RCL1: variants seen among roughly 807,000 people sequenced by gnomAD.
The protein encoded by RCL1 is RNA terminal phosphate cyclase like 1.
A neutral mutation model predicts 42.4 loss-of-function variants in RCL1; 24 were observed. The ratio of observed to expected loss-of-function variants is 0.57; its 90% CI spans 0.41 to 0.80. The LOEUF (loss-of-function observed/expected upper bound fraction) is 0.80. RCL1 is among the 30% of genes least tolerant of loss of function. The pLI is 0.00. For missense variants in RCL1, 578 were observed against 467.9 expected (o/e 1.24, Z -2.17); for synonymous variants, 228 against 177.3 (o/e 1.29, Z -2.27).
intron 1 of RCL1, 35 bp downstream of exon 1, chr9:4,793,262 G>C: frequency 6.4e-7 from 1 of 1,552,334 alleles, no homozygotes; most frequent in Non-Finnish European, 8.7e-7. Context: ...GCGTGGGCGC[G>C]GGGGCTGAGG....
At chr9:4,833,400 C>A (rs560239750) in intron 4 of RCL1, among the ~76,000 whole-genome samples, 172 bp downstream of exon 4, 1 of 152,134 alleles carries the variant, frequency 6.6e-6, no homozygotes, top group Non-Finnish European at 1.5e-5. Flanking sequence ...TGAAAGGGAC[C>A]CTTTAGTAAT....
At position 4,844,455 on chromosome 9, in the gene RCL1, T is replaced by A. The variant is rs568923839; in HGVS notation, c.711-70T>A. On this transcript the variant is annotated intron_variant, in intron 6 of 8. Transcript: ENST00000381750. ...GTCAAAAAAAATGTTTGTCTTCTCT[T>A]TCCGTTTGCTGGTGAGTGGAAACCT... The A allele has an allele frequency of 1.2e-5, 15 of 1,209,802 alleles. No individual in the cohort carries two copies. In the South Asian group the frequency reaches 2.3e-4, roughly 18 times the overall value. 74.9% of individuals were successfully genotyped at this position (1,209,802 alleles called of 1,614,324 possible).
chr9:4,800,554 C>T (rs1165691271), intron 1 of RCL1, among the ~76,000 whole-genome samples: 1 of 151,382 alleles, frequency 6.6e-6, no homozygotes, highest in Non-Finnish European at 1.5e-5. Context: ...GTCTTCCTTT[C>T]TCTGGAATAA....
Position 4,844,654 on chromosome 9 carries a change from C to G in RCL1, c.840C>G (p.Ala280=). 6.2e-7 allele frequency: 1 copy of G among 1,613,540 alleles called. No individual in the cohort carries two copies. Among genetic ancestry groups the G allele is most frequent in the Non-Finnish European group, 8.5e-7 (1 of 1,179,858 alleles). The change falls in exon 7 of 9, where the codon GCC becomes GCG. Residue 280 remains alanine, a synonymous_variant. Transcript: ENST00000381750. ...VLPEDLGRNC[A]RLLLEEIYRG... The stretch of plus-strand genomic sequence containing the variant: ...CAGAGGACCTTGGCAGGAACTGTGC[C>G]CGGCTGCTGCTGGAGGAAATCTACA...
chr9:4,800,621 A>T (rs1407767794), intron 1 of RCL1, among the ~76,000 whole-genome samples: 1 of 147,198 alleles, frequency 6.8e-6, no homozygotes, highest in African/African-American at 2.5e-5. Context: ...GTTTTTTAAG[A>T]TATTGCTGCC....
chr9:4,826,119 C>A (rs1347914164), intron 2 of RCL1, among the ~76,000 whole-genome samples: 1 of 151,710 alleles, frequency 6.6e-6, no homozygotes, highest in Non-Finnish European at 1.5e-5. Flanking sequence ...AAAAAATTAG[C>A]TGGTCGTGGT....
At chr9:4,825,277 G>C (rs412457) in intron 2 of RCL1, among the ~76,000 whole-genome samples, 132,982 of 152,212 alleles carry the variant, frequency 0.87, 58,172 homozygotes, top group East Asian at 1. Flanking sequence ...TTAATTTTCC[G>C]CATCAGAGTA....
At chr9:4,803,572 A>C (rs770170166) in intron 1 of RCL1, among the ~76,000 whole-genome samples, 3 of 152,186 alleles carry the variant, frequency 2.0e-5, no homozygotes, top group Non-Finnish European at 4.4e-5. Flanking sequence ...TAGTAGATCC[A>C]ATCACAGATC....
intron 1 of RCL1, among the ~76,000 whole-genome samples, chr9:4,809,724 C>T (rs1363287868): frequency 1.3e-5 from 2 of 152,100 alleles, no homozygotes; most frequent in Non-Finnish European, 2.9e-5. Context: ...ATATTTCTTC[C>T]CTGTATTGAT....
At chr9:4,852,681 G>A (rs758150706) in intron 8 of RCL1, among the ~76,000 whole-genome samples, 2 of 152,128 alleles carry the variant, frequency 1.3e-5, no homozygotes, top group East Asian at 1.9e-4. Flanking sequence ...TCCTGGCAAC[G>A]TGCCTGAGGA....
chr9:4,843,816 C>T (rs1316169892), intron 6 of RCL1, among the ~76,000 whole-genome samples: 1 of 152,178 alleles, frequency 6.6e-6, no homozygotes. Context: ...CCTCTCACTT[C>T]TGCTGGTCAG....
At position 4,849,545 on chromosome 9, in the gene RCL1, C is replaced by T; in HGVS notation, c.966C>T (p.Pro322=). 5 of 1,608,802 alleles carry T rather than the reference C, an allele frequency of 3.1e-6. No individual in the cohort carries two copies. Among genetic ancestry groups the T allele is most frequent in the Non-Finnish European group, 4.3e-6 (5 of 1,175,142 alleles). The change falls in exon 8 of 9, where the codon CCC becomes CCT. Residue 322 remains proline (P), a synonymous_variant. Transcript: ENST00000381750. ...AAGTCCTGCTAGGCCCTCTCTCTCC[C>T]TACACGTAAGTTATTCTTTTTCAAC... ...VSKVLLGPLS[P]YTIEFLRHLK...
Position 4,849,544 on chromosome 9 carries a change from C to A in RCL1, c.965C>A (p.Pro322His). ...AAAGTCCTGCTAGGCCCTCTCTCTC[C>A]CTACACGTAAGTTATTCTTTTTCAA... ...VSKVLLGPLS[P>H]YTIEFLRHLK... The change falls in exon 8 of 9, where the codon CCC becomes CAC. Residue 322 changes from proline (P) to histidine (H), a missense_variant. Coordinates refer to ENST00000381750, the MANE Select transcript of RCL1 (RefSeq NM_005772.5). 6.2e-7 allele frequency: 1 copy of A among 1,608,828 alleles called. No homozygotes were observed. Among genetic ancestry groups the A allele is most frequent in the East Asian group, 2.2e-5 (1 of 44,860 alleles).
At position 4,849,439 on chromosome 9, in the gene RCL1, G is replaced by C; in HGVS notation, c.868-8G>C. The C allele has an allele frequency of 6.2e-7, 1 of 1,605,398 alleles. No homozygotes were observed. The highest frequency in any genetic ancestry group is 8.5e-7 in the Non-Finnish European group (1 of 1,172,770). On this transcript the variant is annotated splice_polypyrimidine_tract_variant and splice_region_variant and intron_variant, in intron 7 of 8. Transcript: ENST00000381750. Reference sequence around the variant, plus strand: ...CTGGTTTGTACAATTATTAATTTGTGTTTACAGGGTGGATGCGTAGACTCG... The same window carrying C: ...CTGGTTTGTACAATTATTAATTTGTCTTTACAGGGTGGATGCGTAGACTCG...
At chr9:4,822,177 A>G (rs1024117145) in intron 1 of RCL1, among the ~76,000 whole-genome samples, 4 of 152,216 alleles carry the variant, frequency 2.6e-5, no homozygotes, top group Non-Finnish European at 4.4e-5. Flanking sequence ...AGTGTTATGT[A>G]ACAGACTAGG....
chr9:4,838,114 T>C (rs1011192920), intron 5 of RCL1, among the ~76,000 whole-genome samples: 6 of 152,234 alleles, frequency 3.9e-5, no homozygotes, highest in African/African-American at 1.4e-4. Context: ...TGTGGTTTTT[T>C]TCCTTGCAAG....
In RCL1 at chr9:4,849,193, A is replaced by G. The variant is rs535456210; in HGVS notation, c.868-254A>G. ...ATTTTTTTTTTTTTTTACTAGATTCACTTAAGAAGATTTGAATCTGATAGT... is the reference window on the plus strand; with the variant it reads ...ATTTTTTTTTTTTTTTACTAGATTCGCTTAAGAAGATTTGAATCTGATAGT... On this transcript the variant is annotated intron_variant, in intron 7 of 8. Transcript: ENST00000381750. Among the ~76,000 whole-genome samples, 4 of 146,296 alleles carry G rather than the reference A, an allele frequency of 2.7e-5. No individual in the cohort carries two copies. The East Asian group carries it at 5.9e-4, about 22-fold the overall frequency.
At chr9:4,841,895 T>C (rs186543734) in intron 6 of RCL1, among the ~76,000 whole-genome samples, 1 of 152,310 alleles carries the variant, frequency 6.6e-6, no homozygotes, top group East Asian at 1.9e-4. Context: ...AATAAGTTCT[T>C]AAAAAATGAT....
In RCL1 at chr9:4,844,515, G is replaced by T; in HGVS notation, c.711-10G>T. The T allele has an allele frequency of 2.5e-6, 4 of 1,602,172 alleles. No individual in the cohort carries two copies. Among genetic ancestry groups the T allele is most frequent in the East Asian group, 2.2e-5 (1 of 44,616 alleles). On this transcript the variant is annotated splice_polypyrimidine_tract_variant and intron_variant, in intron 6 of 8. Transcript: ENST00000381750. ...AAACCTACTCAGTGTTTGTGCCTTT[G>T]TATCTCCAGGTCTCCGGGCTTTGGG... is the stretch of plus-strand genomic sequence containing the variant.
Sources: gnomAD v4.1 joint callset for allele counts (sites outside exome capture counted in the v4.1 genomes callset) on GRCh38, gnomAD v4.1.1 for gene constraint, MANE v1.5 for transcripts, NCBI Gene and HGNC (gene_info 2026-07-23, HGNC 2026-07-21) for gene names.